ERI1: variants seen among roughly 807,000 people sequenced by gnomAD.
ERI1 encodes 3'-5' exoribonuclease 1.
Under a neutral mutation model 39.7 loss-of-function variants are expected in ERI1, and 39 were observed. The observed-to-expected ratio is 0.98, with a 90% CI of 0.76 to 1.28. ERI1 has a LOEUF of 1.28. Among genes scored for constraint, ERI1 ranks in the 50% most tolerant of loss-of-function variants. The probability of loss-of-function intolerance (pLI) is 0.00; values close to 1 mark genes in which losing one functional copy is unlikely to be tolerated. For synonymous variants in ERI1, 204 were observed against 149.6 expected, an observed-to-expected ratio of 1.36 and a Z score of -2.65; for missense variants, 581 against 416.9, an observed-to-expected ratio of 1.39 and a Z score of -3.43.
chr8:9,033,623 C>G (rs1223301607), downstream of ERI1, among the ~76,000 whole-genome samples: 3 of 152,326 alleles, frequency 2.0e-5, no homozygotes, highest in South Asian at 2.1e-4. Flanking sequence ...GTACTTTACT[C>G]CATTGTTTAG....
chr8:9,084,097 A>G (rs999171965), intron 3 of ERI1, among the ~76,000 whole-genome samples: 2 of 148,620 alleles, frequency 1.3e-5, no homozygotes, highest in African/African-American at 2.5e-5. Flanking sequence ...CCAGCCTAAA[A>G]TTTTTTTTTT....
At chr8:9,023,317 A>G (rs1440806920) in intron 6 of ERI1, among the ~76,000 whole-genome samples, 3 of 151,854 alleles carry the variant, frequency 2.0e-5, no homozygotes, top group Non-Finnish European at 4.4e-5. Flanking sequence ...TTTGTATTTC[A>G]TGTCAGTTTA....
intron 3 of ERI1, among the ~76,000 whole-genome samples, chr8:9,067,191 G>T (rs1283519675): frequency 6.6e-6 from 1 of 152,138 alleles, no homozygotes; most frequent in Non-Finnish European, 1.5e-5. Context: ...TGATTTAGCT[G>T]CAGGGTACGT....
intron 3 of ERI1, among the ~76,000 whole-genome samples, chr8:9,084,851 G>A (rs1799476777): frequency 6.6e-6 from 1 of 152,236 alleles, no homozygotes; most frequent in Non-Finnish European, 1.5e-5. Flanking sequence ...CTGAAGTGGA[G>A]AGGTGTACAC....
intron 3 of ERI1, among the ~76,000 whole-genome samples, chr8:9,015,350 T>C (rs1445610811): frequency 1.3e-5 from 2 of 152,180 alleles, no homozygotes; most frequent in Non-Finnish European, 2.9e-5. Context: ...TTTAAATCTT[T>C]AGGGTTTAAA....
intron 3 of ERI1, among the ~76,000 whole-genome samples, chr8:9,055,537 T>C (rs112731886): frequency 1.2e-3 from 187 of 152,238 alleles, no homozygotes; most frequent in African/African-American, 4.1e-3. Context: ...GGCTGATACA[T>C]TGACAGGTGG....
chr8:9,034,349 T>C (rs951637845), downstream of ERI1, among the ~76,000 whole-genome samples: 2 of 151,954 alleles, frequency 1.3e-5, no homozygotes, highest in Non-Finnish European at 2.9e-5. Flanking sequence ...GCAGATACTA[T>C]TTTGTTTTGT....
chr8:9,027,784 A>G (rs1797291371), intron 6 of ERI1, among the ~76,000 whole-genome samples: 1 of 151,864 alleles, frequency 6.6e-6, no homozygotes, highest in South Asian at 2.1e-4. Context: ...TTATTTCTAG[A>G]CTCTCTTCGG....
chr8:9,056,151 T>G (rs1798499910), intron 3 of ERI1, among the ~76,000 whole-genome samples: 1 of 152,226 alleles, frequency 6.6e-6, no homozygotes, highest in Non-Finnish European at 1.5e-5. Flanking sequence ...GAAGAAGAGT[T>G]TGGAAATGGA....
At chr8:9,018,921 CT>C (rs891246824) in intron 5 of ERI1, among the ~76,000 whole-genome samples, 38 of 152,012 alleles carry the variant, frequency 2.5e-4, no homozygotes, top group African/African-American at 8.7e-4. Context: ...CGCCATTGAT[CT>C]TTTTTTTCCT....
chr8:9,018,467 T>C, intron 5 of ERI1, 61 bp downstream of exon 5: 1 of 931,614 alleles, frequency 1.1e-6, no homozygotes, highest in Non-Finnish European at 1.6e-6. Context: ...GATACCCTTA[T>C]TTATCTGATT....
At chr8:9,050,635 A>G (rs1798328363) in intron 3 of ERI1, among the ~76,000 whole-genome samples, 1 of 152,172 alleles carries the variant, frequency 6.6e-6, no homozygotes, top group African/African-American at 2.4e-5. Context: ...ACCAGAGTGT[A>G]GGCCAAGCCA....
chr8:9,049,811 A>T (rs1798300114), intron 3 of ERI1: 2 of 152,228 alleles, frequency 1.3e-5, no homozygotes. Context: ...CAAAGAGAAG[A>T]CATCAACGGA....
intron 3 of ERI1, among the ~76,000 whole-genome samples, chr8:9,047,759 A>G (rs7816149): frequency 0.15 from 22,484 of 152,166 alleles, 1,875 homozygotes; most frequent in African/African-American, 0.2. Context: ...CCCTTCCAAC[A>G]GAGCAGTTCC....
At chr8:9,027,889 T>C (rs1797298071) in intron 6 of ERI1, among the ~76,000 whole-genome samples, 1 of 152,368 alleles carries the variant, frequency 6.6e-6, no homozygotes, top group Middle Eastern at 3.4e-3. Flanking sequence ...ATTTTTTAAA[T>C]GTTGAGCCAT....
At chr8:9,039,305 G>C (rs1358367466) in intron 3 of ERI1, among the ~76,000 whole-genome samples, 1 of 152,038 alleles carries the variant, frequency 6.6e-6, no homozygotes, top group African/African-American at 2.4e-5. Context: ...CAAAACCTTG[G>C]AGCTACAGAT....
At chr8:9,040,912 T>C (rs1023498782) in intron 3 of ERI1, among the ~76,000 whole-genome samples, 15 of 152,258 alleles carry the variant, frequency 9.9e-5, no homozygotes, top group African/African-American at 3.6e-4. Flanking sequence ...TTAGATAAAG[T>C]CAGTAACACC....
chr8:9,063,002 T>C (rs1010232133), intron 3 of ERI1, among the ~76,000 whole-genome samples: 1 of 152,152 alleles, frequency 6.6e-6, no homozygotes, highest in African/African-American at 2.4e-5. Context: ...TGTCTCACAG[T>C]GGAGGCAAGG....
At chr8:9,003,911 C>T (rs1474080801) in intron 1 of ERI1, among the ~76,000 whole-genome samples, 1 of 152,230 alleles carries the variant, frequency 6.6e-6, no homozygotes, top group Admixed American at 6.5e-5. Flanking sequence ...CTTGCTCCTT[C>T]CGTCCACAGT....
Sources: allele counts gnomAD v4.1 joint callset (sites outside exome capture counted in the v4.1 genomes callset), GRCh38; gene constraint gnomAD v4.1.1; transcripts MANE v1.5; gene names NCBI Gene and HGNC (gene_info 2026-07-23, HGNC 2026-07-21).